WWOX: variants seen among roughly 807,000 people sequenced by gnomAD.
WWOX encodes the protein WW domain-containing oxidoreductase.
In WWOX, 69 loss-of-function variants were observed where a neutral mutation model predicts 46.2. That is an observed-to-expected ratio of 1.49 (90% CI 1.23 to 1.82). The LOEUF (loss-of-function observed/expected upper bound fraction) is 1.82. Ranked by LOEUF, WWOX falls within the 40% of genes most tolerant of loss-of-function variation. The pLI, the probability that WWOX is intolerant of heterozygous loss-of-function variation, is 0.00. For synonymous variants in WWOX, 359 were observed against 202.6 expected, an observed-to-expected ratio of 1.77 and a Z score of -6.56; for missense variants, 919 against 542.6, an observed-to-expected ratio of 1.69 and a Z score of -6.89.
At chr16:78,840,972 T>C (rs568305708) in intron 8 of WWOX, among the ~76,000 whole-genome samples, 15 of 152,276 alleles carry the variant, frequency 9.9e-5, no homozygotes, top group Non-Finnish European at 1.9e-4. Flanking sequence ...AAAGGCATTT[T>C]GGTGGCCTTT....
intron 6 of WWOX, among the ~76,000 whole-genome samples, chr16:78,413,748 C>A (rs567012096): frequency 5.3e-5 from 8 of 151,902 alleles, no homozygotes; most frequent in Admixed American, 1.3e-4. Flanking sequence ...ATCAAAGGTG[C>A]CCTCCTGTGC....
intron 8 of WWOX, among the ~76,000 whole-genome samples, chr16:78,517,223 TAA>T (rs2043253044): frequency 6.6e-6 from 1 of 152,226 alleles, no homozygotes; most frequent in Non-Finnish European, 1.5e-5. Flanking sequence ...CATCTATTAT[TAA>T]GTTACCTTTT....
chr16:78,656,437 C>T (rs1186187252), intron 8 of WWOX, among the ~76,000 whole-genome samples: 6 of 152,094 alleles, frequency 3.9e-5, no homozygotes, highest in African/African-American at 1.4e-4. Context: ...ATACAGGAAG[C>T]CCAGTTAGGG....
At chr16:78,242,976 C>G (rs1289418502) in intron 5 of WWOX, among the ~76,000 whole-genome samples, 1 of 152,072 alleles carries the variant, frequency 6.6e-6, no homozygotes, top group Admixed American at 6.5e-5. Flanking sequence ...CCACTGCACT[C>G]CAGCCTGGGC....
chr16:79,104,540 C>G (rs563651232), intron 8 of WWOX, among the ~76,000 whole-genome samples: 3 of 152,142 alleles, frequency 2.0e-5, no homozygotes, highest in African/African-American at 4.8e-5. Flanking sequence ...TAGTTGACAA[C>G]TTGACATCAA....
chr16:79,065,145 C>G lies in WWOX; in HGVS notation c.1057-146463C>G, dbSNP rs149873673. Among the ~76,000 whole-genome samples the G allele has an allele frequency of 5.3e-3, 804 of 152,198 alleles. 11 individuals are homozygous for G. The highest frequency in any genetic ancestry group is 0.019 in the African/African-American group (786 of 41,524). ...TCGCTATGGGGAAATGCAGATAAAC[C>G]GTAAAAACTTGATAGAGTGAACAAA... is the stretch of plus-strand genomic sequence containing the variant. On this transcript the variant is annotated intron_variant, in intron 8 of 8. Coordinates refer to ENST00000566780, the MANE Select transcript of WWOX (RefSeq NM_016373.4).
In WWOX at chr16:78,447,227, G is replaced by C. The variant is rs535542824; in HGVS notation, c.1056+14475G>C. On this transcript the variant is annotated intron_variant, in intron 8 of 8. Transcript: ENST00000566780. ...GACAGATGGATTTTCTAAAATTACA[G>C]AGGAAACTAGATCTGTAACTCTGTA... 2.0e-5 allele frequency among the ~76,000 whole-genome samples: 3 copies of C among 152,268 alleles called. No individual in the cohort carries two copies. In the East Asian group the frequency reaches 5.8e-4, roughly 29 times the overall value.
chr16:78,921,507 C>G (rs560748726), intron 8 of WWOX, among the ~76,000 whole-genome samples: 220 of 152,274 alleles, frequency 1.4e-3, no homozygotes, highest in African/African-American at 4.6e-3. Flanking sequence ...TTTTCAAAGA[C>G]CTTTCACAGT....
intron 8 of WWOX, among the ~76,000 whole-genome samples, chr16:78,902,645 T>G (rs13334368): frequency 6.6e-6 from 1 of 152,182 alleles, no homozygotes; most frequent in Non-Finnish European, 1.5e-5. Flanking sequence ...TTACCATGGG[T>G]AAACCATTAG....
chr16:78,110,041 T>TA (rs915747636), intron 3 of WWOX, among the ~76,000 whole-genome samples: 76 of 144,648 alleles, frequency 5.3e-4, no homozygotes, highest in Non-Finnish European at 5.9e-4. Flanking sequence ...CACGCATCCT[T>TA]AAAAAAAAAA....
intron 7 of WWOX, among the ~76,000 whole-genome samples, chr16:78,429,577 C>T (rs1367778564): frequency 1.3e-5 from 2 of 152,008 alleles, no homozygotes; most frequent in African/African-American, 4.8e-5. Flanking sequence ...ATATTTATTC[C>T]ATACCTTTCA....
intron 8 of WWOX, among the ~76,000 whole-genome samples, chr16:78,537,968 G>A (rs1278323615): frequency 6.6e-6 from 1 of 152,062 alleles, no homozygotes; most frequent in Non-Finnish European, 1.5e-5. Context: ...CTGATAATCA[G>A]TAAATGAAAT....
intron 8 of WWOX, among the ~76,000 whole-genome samples, chr16:78,646,865 G>T (rs541256383): frequency 2.0e-5 from 3 of 152,062 alleles, no homozygotes; most frequent in Non-Finnish European, 4.4e-5. Context: ...GCTGTGTCAC[G>T]CTGTGTTAGG....
chr16:78,976,430 C>A lies in WWOX; in HGVS notation c.1057-235178C>A, dbSNP rs527339374. Among the ~76,000 whole-genome samples the A allele has an allele frequency of 2.6e-5, 4 of 152,332 alleles. No homozygotes were observed. The South Asian group carries it at 8.3e-4, about 32-fold the overall frequency. ...TTCGGAGCATGTGATGTGCGTGGGC[C>A]TGTGACTAACAGCCACATGGCACGC... On this transcript the variant is annotated intron_variant, in intron 8 of 8. Transcript: ENST00000566780.
chr16:78,922,037 A>C (rs1013497549), intron 8 of WWOX, among the ~76,000 whole-genome samples: 8 of 152,222 alleles, frequency 5.3e-5, no homozygotes, highest in African/African-American at 1.9e-4. Flanking sequence ...ATACTTTTCT[A>C]CTATCTATGT....
At chr16:78,310,722 G>A (rs1228087778) in intron 5 of WWOX, among the ~76,000 whole-genome samples, 2 of 152,222 alleles carry the variant, frequency 1.3e-5, no homozygotes, top group South Asian at 2.1e-4. Context: ...ATTAGCAAGG[G>A]TAAGGCTTGT....
Position 78,751,732 on chromosome 16 carries a change from A to G in WWOX, c.1056+318980A>G, listed in dbSNP as rs139838600. Reference sequence around the variant, plus strand: ...CTTACCAACACGTAGACATGTTGTGATGAAAGAAGGAAAGGAAGGAAGGAA... The same window carrying G: ...CTTACCAACACGTAGACATGTTGTGGTGAAAGAAGGAAAGGAAGGAAGGAA... On this transcript the variant is annotated intron_variant, in intron 8 of 8. Coordinates refer to ENST00000566780, the MANE Select transcript of WWOX (RefSeq NM_016373.4). Among the ~76,000 whole-genome samples the G allele has an allele frequency of 2.3e-3, 345 of 151,510 alleles. 1 individual carries two copies. Among genetic ancestry groups the G allele is most frequent in the African/African-American group, 7.6e-3 (313 of 41,332 alleles).
At chr16:78,948,822 G>C (rs2046000437) in intron 8 of WWOX, among the ~76,000 whole-genome samples, 1 of 152,132 alleles carries the variant, frequency 6.6e-6, no homozygotes, top group Non-Finnish European at 1.5e-5. Flanking sequence ...GCTGACTTTA[G>C]AATAGGAAGG....
At chr16:78,254,407 T>TCCCCA (rs2038067463) in intron 5 of WWOX, among the ~76,000 whole-genome samples, 1 of 148,412 alleles carries the variant, frequency 6.7e-6, no homozygotes, top group Non-Finnish European at 1.5e-5. Flanking sequence ...TGATCATTAA[T>TCCCCA]CCCCACCCCA....
Sources: gnomAD v4.1 joint callset for allele counts (sites outside exome capture counted in the v4.1 genomes callset) on GRCh38, gnomAD v4.1.1 for gene constraint, MANE v1.5 for transcripts, NCBI Gene and HGNC (gene_info 2026-07-23, HGNC 2026-07-21) for gene names.